C12orf42: variants seen among roughly 807,000 people sequenced by gnomAD.
The protein encoded by C12orf42 is uncharacterized protein C12orf42.
In C12orf42, 25 loss-of-function variants were observed where a neutral mutation model predicts 21.6. The ratio of observed to expected loss-of-function variants is 1.16; its 90% CI spans 0.84 to 1.62. The LOEUF (loss-of-function observed/expected upper bound fraction) is 1.62, where lower values mean the gene tolerates loss of function less well. Ranked by LOEUF, C12orf42 falls within the 40% of genes most tolerant of loss-of-function variation. C12orf42 has a pLI of 0.00. For missense variants in C12orf42, 483 were observed against 459.3 expected, an observed-to-expected ratio of 1.05 and a Z score of -0.47; for synonymous variants, 174 against 175.0, an observed-to-expected ratio of 0.99 and a Z score of 0.05.
At chr12:103,496,705 T>C (rs1955558629), upstream of C12orf42, among the ~76,000 whole-genome samples, 1 of 152,000 alleles carries the variant, frequency 6.6e-6, no homozygotes, top group African/African-American at 2.4e-5. Context: ...CTGAACACTC[T>C]TCTGCAGAAT....
the C12orf42 span, among the ~76,000 whole-genome samples, chr12:103,540,691 CTT>C: frequency 2.6e-5 from 4 of 152,228 alleles, no homozygotes; most frequent in South Asian, 8.3e-4. Context: ...AAGTTTATCT[CTT>C]TTAAATAGCA....
intron 5 of C12orf42, 76 bp downstream of exon 5, chr12:103,305,898 C>A: frequency 6.8e-7 from 1 of 1,475,354 alleles, no homozygotes; most frequent in Non-Finnish European, 9.1e-7. Context: ...AATATTTTTT[C>A]TGTTTATACT....
the C12orf42 span, among the ~76,000 whole-genome samples, chr12:103,231,501 G>A: frequency 1.3e-5 from 2 of 152,266 alleles, no homozygotes; most frequent in African/African-American, 4.8e-5. Context: ...ATTGATTGCT[G>A]TCTATGAAAA....
At chr12:103,124,435 A>T in the C12orf42 span, among the ~76,000 whole-genome samples, 1 of 151,910 alleles carries the variant, frequency 6.6e-6, no homozygotes, top group African/African-American at 2.4e-5. Flanking sequence ...ACCCATTGTG[A>T]CCCCTAGAAC....
At chr12:103,563,020 T>A in the C12orf42 span, among the ~76,000 whole-genome samples, 1 of 152,230 alleles carries the variant, frequency 6.6e-6, no homozygotes, top group African/African-American at 2.4e-5. Flanking sequence ...GAACAAATAG[T>A]TTGGATTCGC....
chr12:103,399,735 TCTTTACTGTTG>T (rs1783587656), intron 3 of C12orf42, among the ~76,000 whole-genome samples: 1 of 152,174 alleles, frequency 6.6e-6, no homozygotes, highest in African/African-American at 2.4e-5. Context: ...AAGACTTTTT[TCTTTACTGTTG>T]CTTTTAGTAT....
chr12:103,458,360 C>T (rs983521032), intron 2 of C12orf42, among the ~76,000 whole-genome samples: 4 of 152,008 alleles, frequency 2.6e-5, no homozygotes, highest in Non-Finnish European at 4.4e-5. Context: ...CAAGAATTCT[C>T]TGCAAGACTG....
chr12:103,333,041 C>T (rs1319718055), intron 4 of C12orf42, among the ~76,000 whole-genome samples: 1 of 152,126 alleles, frequency 6.6e-6, no homozygotes. Flanking sequence ...CTTGTCCCAT[C>T]AGGCCTTTAA....
chr12:103,157,890 A>G, the C12orf42 span, among the ~76,000 whole-genome samples: 1 of 152,200 alleles, frequency 6.6e-6, no homozygotes, highest in Admixed American at 6.5e-5. Flanking sequence ...TTGCAGAAAC[A>G]TGACCATATA....
intron 10 of C12orf42, among the ~76,000 whole-genome samples, chr12:103,245,134 T>G (rs1203614505): frequency 6.6e-6 from 1 of 152,138 alleles, no homozygotes; most frequent in Non-Finnish European, 1.5e-5. Flanking sequence ...TTTCAAAATT[T>G]GAGCCCCATT....
chr12:103,208,105 G>A, the C12orf42 span, among the ~76,000 whole-genome samples: 1 of 152,176 alleles, frequency 6.6e-6, no homozygotes, highest in Non-Finnish European at 1.5e-5. Context: ...TATTGCAGAT[G>A]TAGCAAGCTT....
intron 4 of C12orf42, among the ~76,000 whole-genome samples, chr12:103,325,417 C>A (rs997091054): frequency 1.3e-5 from 2 of 152,202 alleles, no homozygotes; most frequent in African/African-American, 4.8e-5. Flanking sequence ...CATGTGCCTG[C>A]CCAACTACAG....
At chr12:103,153,619 C>T in the C12orf42 span, among the ~76,000 whole-genome samples, 1 of 151,998 alleles carries the variant, frequency 6.6e-6, no homozygotes, top group Admixed American at 6.6e-5. Flanking sequence ...TTAAAACTAG[C>T]GTATACCCAC....
At chr12:103,138,837 C>T in the C12orf42 span, among the ~76,000 whole-genome samples, 11 of 152,122 alleles carry the variant, frequency 7.2e-5, no homozygotes, top group African/African-American at 2.7e-4. Flanking sequence ...CCCTGCTATC[C>T]TTTCACAATT....
chr12:103,535,762 T>C, the C12orf42 span, among the ~76,000 whole-genome samples: 5,260 of 152,064 alleles, frequency 0.035, 301 homozygotes, highest in African/African-American at 0.12. Context: ...TGGAGGGAAG[T>C]AGATCTGTGA....
At chr12:103,509,555 G>A in the C12orf42 span, among the ~76,000 whole-genome samples, 14 of 152,132 alleles carry the variant, frequency 9.2e-5, no homozygotes, top group African/African-American at 2.9e-4. Context: ...ATTTAACATC[G>A]ATTCCAAGGA....
At chr12:103,216,734 G>A in the C12orf42 span, among the ~76,000 whole-genome samples, 1 of 152,000 alleles carries the variant, frequency 6.6e-6, no homozygotes, top group Non-Finnish European at 1.5e-5. Context: ...TGTCATTTTG[G>A]TCCCATTTTT....
At chr12:103,238,884 G>T (rs983890111) in intron 10 of C12orf42, among the ~76,000 whole-genome samples, 2 of 152,180 alleles carry the variant, frequency 1.3e-5, no homozygotes, top group African/African-American at 4.8e-5. Context: ...GCTCGATGGA[G>T]TCATAAAGGG....
At chr12:103,329,803 C>T (rs73185858) in intron 4 of C12orf42, among the ~76,000 whole-genome samples, 20,697 of 151,674 alleles carry the variant, frequency 0.14, 1,727 homozygotes, top group Middle Eastern at 0.23. Context: ...GTTTTTATTC[C>T]AGCTTTCCCC....
Sources: gnomAD v4.1 joint callset for allele counts (sites outside exome capture counted in the v4.1 genomes callset) on GRCh38, gnomAD v4.1.1 for gene constraint, MANE v1.5 for transcripts, NCBI Gene and HGNC (gene_info 2026-07-23, HGNC 2026-07-21) for gene names.